Variants in TF observed in about 807,000 individuals in gnomAD.
The protein encoded by TF is serotransferrin.
In TF, 55 loss-of-function variants were observed where a neutral mutation model predicts 82.4. The ratio of observed to expected loss-of-function variants is 0.67; its 90% CI spans 0.54 to 0.84. TF has a LOEUF of 0.84. Among genes scored for constraint, TF ranks in the 40% least tolerant of loss-of-function variants. The pLI is 0.00. For synonymous variants in TF, 332 were observed against 332.6 expected (o/e 1.00, Z 0.02); for missense variants, 737 against 868.4 (o/e 0.85, Z 1.90).
At chr3:133,737,791 T>A in the TF span, among the ~76,000 whole-genome samples, 1,264 of 152,218 alleles carry the variant, frequency 8.3e-3, 20 homozygotes, top group South Asian at 0.043. Context: ...CATAGACCAA[T>A]AACAAGTTCT....
At chr3:133,736,026 G>A in the TF span, among the ~76,000 whole-genome samples, 7 of 152,158 alleles carry the variant, frequency 4.6e-5, no homozygotes, top group African/African-American at 1.7e-4. Flanking sequence ...AGATTGAAAT[G>A]AAGAAAAAAT....
chr3:133,740,984 C>CTCTT, the TF span, among the ~76,000 whole-genome samples: 1 of 77,902 alleles, frequency 1.3e-5, no homozygotes, highest in Non-Finnish European at 2.5e-5. Context: ...TGATCCAGCT[C>CTCTT]TATTTTTTTT....
the TF span, among the ~76,000 whole-genome samples, chr3:133,677,118 C>T: frequency 2.6e-5 from 4 of 152,250 alleles, no homozygotes; most frequent in African/African-American, 9.6e-5. Flanking sequence ...TGTACCTCCA[C>T]CTTGGCCTCC....
chr3:133,662,699 G>A, the TF span, among the ~76,000 whole-genome samples: 1 of 151,942 alleles, frequency 6.6e-6, no homozygotes, highest in Non-Finnish European at 1.5e-5. Flanking sequence ...GATAACCAGC[G>A]GAAAACTGAT....
chr3:133,665,495 GA>G, the TF span, among the ~76,000 whole-genome samples: 58 of 147,942 alleles, frequency 3.9e-4, 2 homozygotes, highest in South Asian at 0.011. Flanking sequence ...AAAAGAAAAA[GA>G]AAAAAAAATG....
the TF span, among the ~76,000 whole-genome samples, chr3:133,716,460 GC>G: frequency 1.3e-5 from 2 of 152,206 alleles, no homozygotes; most frequent in Admixed American, 6.5e-5. Context: ...TTCTGTGCCT[GC>G]CCTTGTTCTC....
chr3:133,778,808 C>T lies in TF; in HGVS notation c.*188C>T, dbSNP rs1934457763. 9.3e-6 allele frequency: 5 copies of T among 536,458 alleles called. No individual in the cohort carries two copies. The highest frequency in any genetic ancestry group is 3.3e-6 in the Non-Finnish European group (1 of 304,706). The allele number at this position is 536,458 out of a possible 1,614,324, so 33.2% of individuals were successfully genotyped here. On this transcript the variant is annotated 3_prime_UTR_variant, in exon 17 of 17. Coordinates refer to ENST00000402696, the MANE Select transcript of TF (RefSeq NM_001063.4). Reference sequence around the variant, plus strand: ...TTATATTTCAAAAACTCCATTCTTTCCTAAATATTTTCAACAAAGGATTTC... The same window carrying T: ...TTATATTTCAAAAACTCCATTCTTTTCTAAATATTTTCAACAAAGGATTTC...
intron 15 of TF, among the ~76,000 whole-genome samples, chr3:133,776,657 C>G (rs1483876152): frequency 3.3e-5 from 5 of 152,198 alleles, no homozygotes; most frequent in Non-Finnish European, 7.3e-5. Flanking sequence ...TGCCACTCCT[C>G]TGGGAGGGTT....
the TF span, among the ~76,000 whole-genome samples, chr3:133,733,867 C>CA: frequency 2.0e-4 from 20 of 98,306 alleles, no homozygotes; most frequent in Non-Finnish European, 2.9e-4. Context: ...CCTTAAAAAA[C>CA]AAAAAAAAAA....
the TF span, among the ~76,000 whole-genome samples, chr3:133,732,957 T>C: frequency 6.6e-6 from 1 of 152,298 alleles, no homozygotes; most frequent in African/African-American, 2.4e-5. Context: ...TAGTGGTGTC[T>C]TCAGTCAGGG....
the TF span, among the ~76,000 whole-genome samples, chr3:133,729,348 A>G: frequency 6.6e-6 from 1 of 152,244 alleles, no homozygotes; most frequent in South Asian, 2.1e-4. Context: ...TTACCTAAGC[A>G]AGCCTGGGCA....
At chr3:133,774,473 T>C (rs1934335413) in intron 14 of TF, 1 of 152,138 alleles carries the variant, frequency 6.6e-6, no homozygotes, top group Admixed American at 6.5e-5. Context: ...TGTAAACAGT[T>C]GAAAAAAAAG....
chr3:133,777,304 TG>T, intron 16 of TF, 66 bp downstream of exon 16: 1 of 1,539,808 alleles, frequency 6.5e-7, no homozygotes. Context: ...GGATGGTGGG[TG>T]GGTACAGGAG....
At position 133,764,213 on chromosome 3, in the gene TF, G is replaced by A. The variant is rs41295792; in HGVS notation, c.1235G>A (p.Gly412Glu). The stretch of plus-strand genomic sequence containing the variant: ...GAAGCTGATGCCATGAGCTTGGATG[G>A]AGGGTTTGTCTACATAGCGGGCAAG... ...NGEADAMSLD[G>E]GFVYIAGKCG... Residue 412 changes from glycine to glutamate, a missense_variant, in exon 10 of 17, where the codon GGA becomes GAA. Gly to Glu is a moderately conservative substitution (Grantham distance 98). Coordinates refer to ENST00000402696, the MANE Select transcript of TF (RefSeq NM_001063.4). The A allele has an allele frequency of 6.2e-7, 1 of 1,613,992 alleles. No homozygotes were observed. The highest frequency in any genetic ancestry group is 8.5e-7 in the Non-Finnish European group (1 of 1,179,882).
the TF span, among the ~76,000 whole-genome samples, chr3:133,729,482 C>G: frequency 1.3e-5 from 2 of 152,226 alleles, no homozygotes; most frequent in Non-Finnish European, 2.9e-5. Flanking sequence ...ATATAATCTC[C>G]TGGTGCGCTG....
At chr3:133,667,845 T>C in the TF span, among the ~76,000 whole-genome samples, 1 of 152,162 alleles carries the variant, frequency 6.6e-6, no homozygotes, top group South Asian at 2.1e-4. Flanking sequence ...TCTCATCACC[T>C]CCCAGGTTTT....
chr3:133,694,882 AT>A, the TF span, among the ~76,000 whole-genome samples: 18 of 84,480 alleles, frequency 2.1e-4, no homozygotes, highest in African/African-American at 6.6e-4. Context: ...TTATTTATTT[AT>A]TTATTATTAT....
the TF span, among the ~76,000 whole-genome samples, chr3:133,671,795 G>GAAAAAAAAAAAAAAAA: frequency 1.8e-5 from 1 of 54,472 alleles, no homozygotes; most frequent in Non-Finnish European, 4.3e-5. Context: ...TCTGTCAAAA[G>GAAAAAAAAAAAAAAAA]AAAAAAAAAA....
the TF span, among the ~76,000 whole-genome samples, chr3:133,685,836 T>C: frequency 6.6e-6 from 1 of 152,158 alleles, no homozygotes; most frequent in Non-Finnish European, 1.5e-5. Flanking sequence ...CTTCACAGAA[T>C]TGGAAAAAAC....
Sources: allele counts gnomAD v4.1 joint callset (sites outside exome capture counted in the v4.1 genomes callset), GRCh38; gene constraint gnomAD v4.1.1; transcripts MANE v1.5; gene names NCBI Gene and HGNC (gene_info 2026-07-23, HGNC 2026-07-21).